The following LUZP2 variants were observed in gnomAD, a reference collection of about 807,000 sequenced individuals.
LUZP2 encodes leucine zipper protein 2.
Under a neutral mutation model 51.6 loss-of-function variants are expected in LUZP2, and 52 were observed. That is an observed-to-expected ratio of 1.01 (90% CI 0.81 to 1.27). LUZP2 has a LOEUF of 1.27. Ranked by LOEUF, LUZP2 falls within the 50% of genes most tolerant of loss-of-function variation. The probability of loss-of-function intolerance (pLI) is 0.00; values close to 1 mark genes in which losing one functional copy is unlikely to be tolerated. For synonymous variants in LUZP2, 154 were observed against 137.3 expected, an observed-to-expected ratio of 1.12 and a Z score of -0.85; for missense variants, 436 against 395.4, an observed-to-expected ratio of 1.10 and a Z score of -0.87.
At chr11:25,055,011 C>CTTTTT (rs71044332) in intron 10 of LUZP2, among the ~76,000 whole-genome samples, 5 of 79,028 alleles carry the variant, frequency 6.3e-5, no homozygotes, top group South Asian at 4.3e-4. Context: ...TTTTTCTTTT[C>CTTTTT]TTTTTTTTTT....
chr11:24,718,652 C>T (rs1409152758), intron 1 of LUZP2, among the ~76,000 whole-genome samples: 1 of 152,126 alleles, frequency 6.6e-6, no homozygotes, highest in South Asian at 2.1e-4. Flanking sequence ...TATCAAACAA[C>T]ATTTTTTCAG....
intron 5 of LUZP2, among the ~76,000 whole-genome samples, chr11:24,842,237 A>G (rs954559480): frequency 1.3e-5 from 2 of 148,982 alleles, no homozygotes; most frequent in Non-Finnish European, 3.0e-5. Context: ...CATAATTTAA[A>G]TATGTTCTAT....
At chr11:24,853,268 G>C (rs1344110797) in intron 5 of LUZP2, among the ~76,000 whole-genome samples, 1 of 151,994 alleles carries the variant, frequency 6.6e-6, no homozygotes, top group East Asian at 1.9e-4. Context: ...CATGGGCCTG[G>C]TGGTGACAAA....
At chr11:24,572,548 A>G (rs899796657) in intron 1 of LUZP2, among the ~76,000 whole-genome samples, 1 of 152,026 alleles carries the variant, frequency 6.6e-6, no homozygotes, top group Admixed American at 6.6e-5. Flanking sequence ...CAATGCACAA[A>G]CCATGGACAG....
At chr11:24,708,135 G>A (rs902156648) in intron 1 of LUZP2, among the ~76,000 whole-genome samples, 1 of 152,140 alleles carries the variant, frequency 6.6e-6, no homozygotes, top group African/African-American at 2.4e-5. Context: ...TGCTTTAGGA[G>A]GAAGTTAAGT....
Position 24,957,876 on chromosome 11 carries a change from G to A in LUZP2, c.523-18715G>A, listed in dbSNP as rs183400246. Among the ~76,000 whole-genome samples, 1,054 of 152,146 alleles carry A rather than the reference G, an allele frequency of 6.9e-3. 19 individuals are homozygous for A. The highest frequency in any genetic ancestry group is 0.026 in the Admixed American group (390 of 15,292). On this transcript the variant is annotated intron_variant, in intron 7 of 11. Coordinates refer to ENST00000336930, the MANE Select transcript of LUZP2 (RefSeq NM_001009909.4). Reference sequence around the variant, plus strand: ...CCACTAACTCGTCATCTAGCATTACGTATATCTCCCAATGCTATCCCTCCC... The same window carrying A: ...CCACTAACTCGTCATCTAGCATTACATATATCTCCCAATGCTATCCCTCCC...
intron 9 of LUZP2, among the ~76,000 whole-genome samples, chr11:24,999,359 G>C (rs1024684681): frequency 3.3e-5 from 5 of 151,984 alleles, no homozygotes; most frequent in African/African-American, 9.7e-5. Flanking sequence ...GAAGAAGGAG[G>C]AGGAAGAGGA....
intron 9 of LUZP2, among the ~76,000 whole-genome samples, chr11:25,044,253 GTGTGTATA>G (rs1173334803): frequency 9.4e-4 from 30 of 31,802 alleles, no homozygotes; most frequent in South Asian, 6.3e-3. Context: ...GTGTGTGTGT[GTGTGTATA>G]TATATATATA....
chr11:24,869,478 A>C (rs1207036940), intron 5 of LUZP2, among the ~76,000 whole-genome samples: 1 of 151,846 alleles, frequency 6.6e-6, no homozygotes, highest in Admixed American at 6.6e-5. Context: ...CATTATTTAG[A>C]TGGAGTCTCC....
At chr11:24,543,376 C>T (rs950858673) in intron 1 of LUZP2, among the ~76,000 whole-genome samples, 4 of 152,102 alleles carry the variant, frequency 2.6e-5, no homozygotes, top group East Asian at 1.9e-4. Flanking sequence ...ATTTTATTCT[C>T]AGATTGGTAT....
chr11:24,806,238 T>A (rs1355585686), intron 5 of LUZP2, among the ~76,000 whole-genome samples: 1 of 152,204 alleles, frequency 6.6e-6, no homozygotes, highest in Non-Finnish European at 1.5e-5. Flanking sequence ...AAGTTGGAGC[T>A]TACCACTCGG....
intron 1 of LUZP2, among the ~76,000 whole-genome samples, chr11:24,609,987 G>A: frequency 6.6e-6 from 1 of 152,164 alleles, no homozygotes; most frequent in Admixed American, 6.5e-5. Flanking sequence ...CTGGCAATTA[G>A]CCAAGGCTAA....
At chr11:24,904,368 T>A (rs995948944) in intron 5 of LUZP2, among the ~76,000 whole-genome samples, 1 of 152,098 alleles carries the variant, frequency 6.6e-6, no homozygotes, top group African/African-American at 2.4e-5. Context: ...CTGCAAGCTC[T>A]GCCTCCTGGG....
At chr11:24,727,551 T>C (rs1858526124) in intron 1 of LUZP2, among the ~76,000 whole-genome samples, 1 of 152,084 alleles carries the variant, frequency 6.6e-6, no homozygotes, top group Non-Finnish European at 1.5e-5. Context: ...TGAATTATGG[T>C]CACTTAAGAT....
At chr11:24,578,199 G>T (rs183034191) in intron 1 of LUZP2, among the ~76,000 whole-genome samples, 1 of 151,958 alleles carries the variant, frequency 6.6e-6, no homozygotes, top group African/African-American at 2.4e-5. Context: ...ATTTCTTGAG[G>T]AGTAAGAAAC....
At chr11:24,497,366 A>G in intron 1 of LUZP2, 61 bp downstream of exon 1, 1 of 1,307,364 alleles carries the variant, frequency 7.6e-7, no homozygotes, top group Non-Finnish European at 1.0e-6. Flanking sequence ...GGTTGGTCCT[A>G]CTGTGGGTCA....
chr11:24,671,382 A>G (rs2134002408), intron 1 of LUZP2, among the ~76,000 whole-genome samples: 1 of 152,158 alleles, frequency 6.6e-6, no homozygotes, highest in South Asian at 2.1e-4. Flanking sequence ...TGATATATTA[A>G]CATCTAAATT....
intron 5 of LUZP2, among the ~76,000 whole-genome samples, chr11:24,856,705 G>T (rs906665123): frequency 6.6e-6 from 1 of 152,006 alleles, no homozygotes; most frequent in Admixed American, 6.6e-5. Context: ...ATTGGATAAA[G>T]AAAATGTGTT....
chr11:24,888,190 CTG>C (rs1159421169), intron 5 of LUZP2, among the ~76,000 whole-genome samples: 1 of 152,078 alleles, frequency 6.6e-6, no homozygotes, highest in African/African-American at 2.4e-5. Context: ...GTCACAAGAA[CTG>C]TATTCCTGTC....
Sources: gnomAD v4.1 joint callset for allele counts (sites outside exome capture counted in the v4.1 genomes callset) on GRCh38, gnomAD v4.1.1 for gene constraint, MANE v1.5 for transcripts, NCBI Gene and HGNC (gene_info 2026-07-23, HGNC 2026-07-21) for gene names.